The following DSG4 variants were observed in gnomAD, a reference collection of about 807,000 sequenced individuals.
DSG4 encodes desmoglein 4, also known as desmoglein-4.
A neutral mutation model predicts 93.1 loss-of-function variants in DSG4; 87 were observed. The ratio of observed to expected loss-of-function variants is 0.93; its 90% CI spans 0.79 to 1.12. The LOEUF (loss-of-function observed/expected upper bound fraction) is 1.12, where lower values mean the gene tolerates loss of function less well. DSG4 is among the 50% of genes most tolerant of loss of function. The pLI is 0.00. For missense variants in DSG4, 1,373 were observed against 1,285.7 expected (o/e 1.07, Z -1.04); for synonymous variants, 432 against 452.9 (o/e 0.95, Z 0.59).
At chr18:31,397,478 G>GC (rs1352043776) in intron 8 of DSG4, among the ~76,000 whole-genome samples, 1 of 152,040 alleles carries the variant, frequency 6.6e-6, no homozygotes, top group Non-Finnish European at 1.5e-5. Context: ...TGACTAAAGG[G>GC]CCCCACTTGC....
intron 1 of DSG4, among the ~76,000 whole-genome samples, chr18:31,380,011 A>T (rs1336724273): frequency 6.6e-6 from 1 of 152,230 alleles, no homozygotes; most frequent in African/African-American, 2.4e-5. Flanking sequence ...TTTTGTTGAT[A>T]TAAGTGGCTA....
rs773332757 is a variant in DSG4 at position 31,388,393 on chromosome 18, G to C, written c.243G>C (p.Gln81His). 1 of 1,613,396 alleles carries C rather than the reference G, an allele frequency of 6.2e-7. No individual in the cohort carries two copies. Among genetic ancestry groups the C allele is most frequent in the African/African-American group, 1.3e-5 (1 of 74,988 alleles). The change falls in exon 4 of 16, where the codon CAG becomes CAC. Residue 81 changes from glutamine (Q) to histidine (H), a missense_variant. Coordinates refer to ENST00000308128, the MANE Select transcript of DSG4 (RefSeq NM_177986.5). ...TTCGATCAGACTGCGAATCGAACCA[G>C]AAGATAACATACCGGATTTCTGGAG... ...AKIRSDCESN[Q>H]KITYRISGVG...
chr18:31,413,688 A>G lies in DSG4; in HGVS notation c.*93A>G. 6.8e-7 allele frequency: 1 copy of G among 1,465,910 alleles called. No homozygotes were observed. 90.8% of individuals were successfully genotyped at this position (1,465,910 alleles called of 1,614,324 possible). On this transcript the variant is annotated 3_prime_UTR_variant, in exon 16 of 16. Transcript: ENST00000308128. ...TATATAATGTACCATATATATTAAT[A>G]GTCAACAAATACTCAGATATTCTAA... is the stretch of plus-strand genomic sequence containing the variant.
intron 13 of DSG4, 42 bp downstream of exon 13, chr18:31,409,633 T>C: frequency 2.5e-6 from 4 of 1,614,210 alleles, no homozygotes; most frequent in Non-Finnish European, 2.5e-6. Context: ...GGAGTTTCAG[T>C]GGAAATTGAG....
At chr18:31,380,674 C>T (rs1405763966) in intron 1 of DSG4, among the ~76,000 whole-genome samples, 1 of 152,174 alleles carries the variant, frequency 6.6e-6, no homozygotes, top group African/African-American at 2.4e-5. Flanking sequence ...CTGCTTTACT[C>T]AATTATTATT....
intron 8 of DSG4, among the ~76,000 whole-genome samples, chr18:31,399,013 G>A (rs2072334868): frequency 6.6e-6 from 1 of 151,936 alleles, no homozygotes. Flanking sequence ...TGTATAAAAA[G>A]TCCAAAACTC....
At position 31,413,356 on chromosome 18, in the gene DSG4, G is replaced by A. The variant is rs2072519156; in HGVS notation, c.2884G>A (p.Val962Ile). The A allele has an allele frequency of 6.2e-7, 1 of 1,614,150 alleles. No individual in the cohort carries two copies. The change falls in exon 16 of 16, where the codon GTA (valine) becomes ATA (isoleucine). Residue 962 changes from valine (V) to isoleucine (I), a missense_variant. Physicochemically the swap from Val to Ile is conservative, Grantham distance 29 (BLOSUM62 3). Coordinates refer to ENST00000308128, the MANE Select transcript of DSG4 (RefSeq NM_177986.5). Reference protein sequence around the residue: ...VPAELADYNNVIYAERVLASP... With the variant: ...VPAELADYNNIIYAERVLASP... Reference sequence around the variant, plus strand: ...TGCTGAGTTAGCAGATTACAACAATGTAATCTATGCTGAGAGAGTACTGGC... The same window carrying A: ...TGCTGAGTTAGCAGATTACAACAATATAATCTATGCTGAGAGAGTACTGGC...
At chr18:31,382,295 T>G (rs1427509464) in intron 1 of DSG4, 3 of 152,222 alleles carry the variant, frequency 2.0e-5, no homozygotes, top group Non-Finnish European at 4.4e-5. Context: ...GCCCACATAT[T>G]GCTCTGAAAA....
At chr18:31,378,541 T>C (rs1449442811) in intron 1 of DSG4, among the ~76,000 whole-genome samples, 7 of 152,222 alleles carry the variant, frequency 4.6e-5, no homozygotes. Flanking sequence ...AAGAGTATTA[T>C]ACTTCAGACT....
Position 31,390,815 on chromosome 18 carries a change from A to G in DSG4, c.677A>G (p.Asp226Gly). 1 of 1,613,466 alleles carries G rather than the reference A, an allele frequency of 6.2e-7. No individual in the cohort carries two copies. The highest frequency in any genetic ancestry group is 1.1e-5 in the South Asian group (1 of 91,052). The change falls in exon 6 of 16, where the codon GAC becomes GGC. Residue 226 changes from aspartate to glycine, a missense_variant. Transcript: ENST00000308128. ...GEVCTMSSFL[D>G]REQHSMYNLV... ...GTCTGCACCATGTCCAGTTTCTTGG[A>G]CAGAGAGGTAAAGCCTTCTGTGAAT...
At chr18:31,405,946 G>A in intron 11 of DSG4, 131 bp from the exon 12 acceptor site, 1 of 859,610 alleles carries the variant, frequency 1.2e-6, no homozygotes, top group Admixed American at 2.3e-5. Context: ...AAAGTACAAG[G>A]TGCTTTATGA....
chr18:31,398,157 G>C (rs2072325818), intron 8 of DSG4, among the ~76,000 whole-genome samples: 1 of 151,852 alleles, frequency 6.6e-6, no homozygotes, highest in Non-Finnish European at 1.5e-5. Flanking sequence ...TGATTTTTGA[G>C]TACATAATTT....
chr18:31,397,453 A>G (rs1010543531), intron 8 of DSG4, among the ~76,000 whole-genome samples: 1 of 152,180 alleles, frequency 6.6e-6, no homozygotes, highest in African/African-American at 2.4e-5. Flanking sequence ...ACCTCTGGAC[A>G]CAATCAGAAA....
At chr18:31,390,523 A>G in intron 5 of DSG4, 133 bp from the exon 6 acceptor site, 1 of 1,009,372 alleles carries the variant, frequency 9.9e-7, no homozygotes, top group Non-Finnish European at 1.5e-6. Context: ...AAGTTATGGT[A>G]CTATATTCCC....
chr18:31,392,083 A>T, intron 7 of DSG4, 72 bp from the exon 8 acceptor site: 1 of 1,424,382 alleles, frequency 7.0e-7, no homozygotes, highest in Non-Finnish European at 9.8e-7. Flanking sequence ...ATTTTAAATA[A>T]TAATAATGTG....
intron 8 of DSG4, among the ~76,000 whole-genome samples, chr18:31,398,061 C>T (rs1045766090): frequency 6.1e-5 from 9 of 148,638 alleles, no homozygotes; most frequent in Admixed American, 2.0e-4. Context: ...TTGAGGTTCT[C>T]GATTTTTCAT....
rs746598414 is a variant in DSG4 at position 31,411,315 on chromosome 18, C to A, written c.2222C>A (p.Ala741Asp). 6.2e-7 allele frequency: 1 copy of A among 1,612,148 alleles called. No individual in the cohort carries two copies. Among genetic ancestry groups the A allele is most frequent in the South Asian group, 1.1e-5 (1 of 91,078 alleles). ...GAGCTCAACACAGGTATGGGGACAG[C>A]CGTTGGCCTCATGGCCGCAGGGGCC... The part of the protein sequence containing the change: ...GVELNTGMGT[A>D]VGLMAAGAAG... Residue 741 changes from alanine (A) to aspartate (D), a missense_variant, in exon 15 of 16, where the codon GCC becomes GAC. Coordinates refer to ENST00000308128, the MANE Select transcript of DSG4 (RefSeq NM_177986.5).
intron 14 of DSG4, 152 bp downstream of exon 14, chr18:31,409,960 CT>C (rs927397333): frequency 1.0e-4 from 82 of 817,702 alleles, no homozygotes; most frequent in African/African-American, 2.8e-4. Context: ...GAAGTAGCCA[CT>C]TTTTTTTTCT....
At chr18:31,409,677 A>G (rs886718329) in intron 13 of DSG4, 68 bp from the exon 14 acceptor site, 28 of 1,613,884 alleles carry the variant, frequency 1.7e-5, no homozygotes, top group Non-Finnish European at 2.3e-5. Flanking sequence ...CACAAAAATG[A>G]ACAGATGTCA....
Sources: allele counts gnomAD v4.1 joint callset (sites outside exome capture counted in the v4.1 genomes callset), GRCh38; gene constraint gnomAD v4.1.1; transcripts MANE v1.5; gene names NCBI Gene and HGNC (gene_info 2026-07-23, HGNC 2026-07-21).